Variants in USP50 observed in about 807,000 individuals in gnomAD.
The protein encoded by USP50 is ubiquitin specific peptidase 50.
In USP50, 37 loss-of-function variants were observed where a neutral mutation model predicts 39.2. The observed-to-expected ratio is 0.94, with a 90% CI of 0.73 to 1.24. The LOEUF (loss-of-function observed/expected upper bound fraction) is 1.24. Among genes scored for constraint, USP50 ranks in the 50% most tolerant of loss-of-function variants. USP50 has a pLI of 0.00. For missense variants in USP50, 374 were observed against 398.2 expected, an observed-to-expected ratio of 0.94 and a Z score of 0.52; for synonymous variants, 139 against 144.5, an observed-to-expected ratio of 0.96 and a Z score of 0.27.
chr15:50,498,582 G>GTT, downstream of USP50: 1 of 1,601,414 alleles, frequency 6.2e-7, no homozygotes, highest in Non-Finnish European at 8.5e-7. Context: ...TAATTGTAAT[G>GTT]TTTTGTTCTG....
intron 5 of USP50, among the ~76,000 whole-genome samples, chr15:50,536,985 C>A (rs1336128185): frequency 6.6e-6 from 1 of 151,876 alleles, no homozygotes; most frequent in Non-Finnish European, 1.5e-5. Context: ...TCCAGAGTAG[C>A]CAAAACTATA....
At chr15:50,498,871 A>T (rs1274913511), downstream of USP50, 2 of 1,567,204 alleles carry the variant, frequency 1.3e-6, no homozygotes, top group Non-Finnish European at 1.7e-6. Flanking sequence ...TTTTAACTGA[A>T]TTGATTTTTT....
In USP50 at chr15:50,543,896, C is replaced by G; in HGVS notation, c.249-103G>C. 2.6e-6 allele frequency: 3 copies of G among 1,156,528 alleles called. No individual in the cohort carries two copies. The East Asian group carries it at 7.7e-5, about 30-fold the overall frequency. 71.6% of individuals were successfully genotyped at this position (1,156,528 alleles called of 1,614,324 possible). On this transcript the variant is annotated intron_variant, in intron 2 of 6. Coordinates refer to ENST00000532404, the MANE Select transcript of USP50 (RefSeq NM_203494.5). Reference sequence around the variant, plus strand: ...GTCTCAAAATGGAAGAACGTGGTGTCTCATGCCTGTAACCCCAGCACTTTG... The same window carrying G: ...GTCTCAAAATGGAAGAACGTGGTGTGTCATGCCTGTAACCCCAGCACTTTG...
At chr15:50,493,053 C>A, downstream of USP50, 2 of 920,224 alleles carry the variant, frequency 2.2e-6, no homozygotes, top group Non-Finnish European at 3.4e-6. Context: ...AATTTATTTT[C>A]TCTTAGTTCT....
At chr15:50,518,560 A>C (rs1391828965) in intron 6 of USP50, among the ~76,000 whole-genome samples, 1 of 152,050 alleles carries the variant, frequency 6.6e-6, no homozygotes, top group Non-Finnish European at 1.5e-5. Flanking sequence ...TGGGGAAAGG[A>C]CACCTGCTTC....
At chr15:50,537,778 T>C (rs2141376590) in intron 5 of USP50, among the ~76,000 whole-genome samples, 1 of 147,218 alleles carries the variant, frequency 6.8e-6, no homozygotes, top group African/African-American at 2.5e-5. Flanking sequence ...GAGAATGGCT[T>C]GAACTAGGGA....
chr15:50,519,927 C>T (rs1369725768), intron 6 of USP50, among the ~76,000 whole-genome samples: 1 of 152,150 alleles, frequency 6.6e-6, no homozygotes, highest in Non-Finnish European at 1.5e-5. Context: ...CAATCCACTA[C>T]TGGGCATTTA....
intron 6 of USP50, among the ~76,000 whole-genome samples, chr15:50,515,138 T>C (rs1047835120): frequency 1.3e-5 from 2 of 152,130 alleles, no homozygotes; most frequent in African/African-American, 2.4e-5. Flanking sequence ...CAGATGGTTT[T>C]CCTGTTCAAT....
chr15:50,533,699 T>C (rs2052959035), intron 5 of USP50, among the ~76,000 whole-genome samples: 1 of 152,180 alleles, frequency 6.6e-6, no homozygotes, highest in Non-Finnish European at 1.5e-5. Flanking sequence ...TAGACCTGCC[T>C]TGCAAGAATG....
At chr15:50,499,062 C>A (rs1320130504), downstream of USP50, 3 of 1,610,712 alleles carry the variant, frequency 1.9e-6, no homozygotes. Context: ...TTCATTGGGA[C>A]CACGAGTAAC....
intron 6 of USP50, among the ~76,000 whole-genome samples, chr15:50,520,617 G>T (rs1021530549): frequency 4.6e-5 from 7 of 151,016 alleles, no homozygotes; most frequent in African/African-American, 1.5e-4. Flanking sequence ...TCTCTTCCCC[G>T]CCCCCGCCAA....
intron 4 of USP50, among the ~76,000 whole-genome samples, chr15:50,539,633 C>A (rs116078605): frequency 0.021 from 3,254 of 151,644 alleles, 111 homozygotes; most frequent in African/African-American, 0.074. Flanking sequence ...CCGGGATAGT[C>A]TCGATCTCTT....
At chr15:50,495,311 TATAC>T (rs2052346409) in intron 1 of USP50, among the ~76,000 whole-genome samples, 1 of 10,954 alleles carries the variant, frequency 9.1e-5, no homozygotes, top group Non-Finnish European at 1.8e-4. Context: ...TACGTGTATA[TATAC>T]ATACATATAT....
At chr15:50,502,855 G>A (rs1285791992) in intron 6 of USP50, 1 of 152,192 alleles carries the variant, frequency 6.6e-6, no homozygotes, top group African/African-American at 2.4e-5. Flanking sequence ...AGTACATTGT[G>A]ACCTTAGCGA....
chr15:50,544,909 T>C (rs2053059854), intron 1 of USP50, 128 bp from the exon 2 acceptor site: 8 of 905,070 alleles, frequency 8.8e-6, no homozygotes, highest in Non-Finnish European at 3.2e-6. Flanking sequence ...ACACATTCCC[T>C]ACCAAGGACA....
rs113486436 is a variant in USP50 at position 50,517,185 on chromosome 15, C to T, written c.936+12612G>A. On this transcript the variant is annotated intron_variant, in intron 6 of 6. Transcript: ENST00000532404. ...TACAATAAGACTTTAAAAATGTAAG[C>T]GGAGGCCAGGTGTGGTGGCTCATGC... is the stretch of plus-strand genomic sequence containing the variant. Among the ~76,000 whole-genome samples, 325 of 152,184 alleles carry T rather than the reference C, an allele frequency of 2.1e-3. 2 individuals carry two copies. The highest frequency in any genetic ancestry group is 7.4e-3 in the African/African-American group (308 of 41,556).
chr15:50,519,716 TAA>T (rs36075468), intron 6 of USP50, among the ~76,000 whole-genome samples: 2 of 141,960 alleles, frequency 1.4e-5, no homozygotes, highest in Non-Finnish European at 1.5e-5. Flanking sequence ...CTCCGTCTCT[TAA>T]AAAAAAAAAG....
chr15:50,519,585 G>T (rs1376088153), intron 6 of USP50, among the ~76,000 whole-genome samples: 1 of 151,914 alleles, frequency 6.6e-6, no homozygotes, highest in Non-Finnish European at 1.5e-5. Flanking sequence ...TGCGGTGGCG[G>T]GCACCTGTAA....
chr15:50,495,533 C>T (rs957945098), intron 1 of USP50, among the ~76,000 whole-genome samples: 2 of 151,538 alleles, frequency 1.3e-5, no homozygotes, highest in African/African-American at 4.9e-5. Flanking sequence ...AACTCCTGGC[C>T]CCAAGCAGTC....
Sources: allele counts gnomAD v4.1 joint callset (sites outside exome capture counted in the v4.1 genomes callset), GRCh38; gene constraint gnomAD v4.1.1; transcripts MANE v1.5; gene names NCBI Gene and HGNC (gene_info 2026-07-23, HGNC 2026-07-21).